Variants in CARNMT1 observed in about 807,000 individuals in gnomAD.
CARNMT1 encodes carnosine N-methyltransferase 1.
CARNMT1 carries 28 observed loss-of-function variants against 49.6 expected under a neutral mutation model. That is an observed-to-expected ratio of 0.56 (90% confidence interval 0.42 to 0.77). The LOEUF (loss-of-function observed/expected upper bound fraction) is 0.77, where lower values mean the gene tolerates loss of function less well. Among genes scored for constraint, CARNMT1 ranks in the 30% least tolerant of loss-of-function variants. The pLI is 0.00. For synonymous variants in CARNMT1, 178 were observed against 175.0 expected (o/e 1.02, Z -0.13); for missense variants, 421 against 512.6 (o/e 0.82, Z 1.73).
At chr9:75,012,274 C>A (rs1564102562) in intron 3 of CARNMT1, among the ~76,000 whole-genome samples, 4 of 148,492 alleles carry the variant, frequency 2.7e-5, no homozygotes, top group Non-Finnish European at 5.9e-5. Context: ...TGAGGGTCTT[C>A]AAGTTTTTGG....
At chr9:75,021,914 C>T (rs1262064423) in intron 1 of CARNMT1, among the ~76,000 whole-genome samples, 5 of 151,268 alleles carry the variant, frequency 3.3e-5, no homozygotes, top group East Asian at 1.9e-4. Flanking sequence ...CTACAGGCTG[C>T]GTAACAGAGC....
intron 1 of CARNMT1, among the ~76,000 whole-genome samples, chr9:75,027,729 A>T (rs1440072908): frequency 6.6e-6 from 1 of 152,206 alleles, no homozygotes; most frequent in Non-Finnish European, 1.5e-5. Context: ...TCGGCCTCAA[A>T]GCCAAACCTT....
At chr9:75,028,397 T>TGGGCTCCGCCAGGTCTTCA (rs1241533569), upstream of CARNMT1, 34 of 1,292,936 alleles carry the variant, frequency 2.6e-5, no homozygotes, top group Admixed American at 4.3e-5. Flanking sequence ...CCATCCGCGC[T>TGGGCTCCGCCAGGTCTTCA]GGGCTCCGCC....
intron 6 of CARNMT1, among the ~76,000 whole-genome samples, chr9:74,986,526 G>A (rs536439193): frequency 2.0e-5 from 3 of 152,180 alleles, no homozygotes; most frequent in Non-Finnish European, 4.4e-5. Context: ...TAAGAATGCA[G>A]AGCCTCACAG....
Position 74,989,639 on chromosome 9 carries a change from C to G in CARNMT1, c.1025-4629G>C, listed in dbSNP as rs145375200. Among the ~76,000 whole-genome samples the G allele has an allele frequency of 2.5e-3, 382 of 152,192 alleles. 1 individual carries two copies. Among genetic ancestry groups the G allele is most frequent in the Non-Finnish European group, 4.4e-3 (297 of 68,024 alleles). On this transcript the variant is annotated intron_variant, in intron 6 of 7. Transcript: ENST00000376834. The stretch of plus-strand genomic sequence containing the variant: ...GACTGGATCATAGGGGTGGCTCCCC[C>G]CATGCTGTTCTCAGGATACTGAGTT...
At chr9:75,024,180 G>C (rs919980340) in intron 1 of CARNMT1, among the ~76,000 whole-genome samples, 1 of 152,058 alleles carries the variant, frequency 6.6e-6, no homozygotes, top group African/African-American at 2.4e-5. Context: ...AATCCAAATA[G>C]AAAAAACATA....
At chr9:74,986,886 T>G (rs1832859252) in intron 6 of CARNMT1, among the ~76,000 whole-genome samples, 1 of 152,224 alleles carries the variant, frequency 6.6e-6, no homozygotes, top group Non-Finnish European at 1.5e-5. Flanking sequence ...GTTATGTAAG[T>G]CAAGGAACAC....
intron 1 of CARNMT1, among the ~76,000 whole-genome samples, chr9:75,019,802 C>T (rs1390225153): frequency 2.0e-5 from 3 of 152,168 alleles, no homozygotes; most frequent in Admixed American, 1.3e-4. Flanking sequence ...TGTAACCTGA[C>T]CACCTGGGGT....
chr9:74,994,230 G>C (rs977629697), intron 6 of CARNMT1, among the ~76,000 whole-genome samples: 1 of 152,148 alleles, frequency 6.6e-6, no homozygotes, highest in Non-Finnish European at 1.5e-5. Flanking sequence ...ACACCAACCT[G>C]GTGAGCACCT....
At position 74,998,508 on chromosome 9, in the gene CARNMT1, T is replaced by G. The variant is rs180866788; in HGVS notation, c.910+90A>C. The G allele has an allele frequency of 3.8e-6, 4 of 1,064,714 alleles. No individual in the cohort carries two copies. The East Asian group carries it at 8.0e-5, about 21-fold the overall frequency. 66.0% of individuals were successfully genotyped at this position (1,064,714 alleles called of 1,614,324 possible). ...TATGCCTTATGTTCTACCATCAAAA[T>G]GAATGATCTAAACCTTGGCTTAGGA... is the stretch of plus-strand genomic sequence containing the variant. On this transcript the variant is annotated intron_variant, in intron 5 of 7. Coordinates refer to ENST00000376834, the MANE Select transcript of CARNMT1 (RefSeq NM_152420.3).
At chr9:75,017,555 A>G in intron 1 of CARNMT1, 107 bp from the exon 2 acceptor site, 1 of 880,724 alleles carries the variant, frequency 1.1e-6, no homozygotes, top group South Asian at 1.7e-5. Flanking sequence ...TATGCTGGAT[A>G]CTGTCCTATC....
chr9:75,005,454 A>G (rs1833474575), intron 3 of CARNMT1, among the ~76,000 whole-genome samples: 2 of 151,446 alleles, frequency 1.3e-5, no homozygotes, highest in Admixed American at 1.3e-4. Context: ...AATTTTACAC[A>G]TATTTCATTA....
chr9:74,991,155 T>G (rs1218838113), intron 6 of CARNMT1: 1 of 152,074 alleles, frequency 6.6e-6, no homozygotes, highest in Non-Finnish European at 1.5e-5. Flanking sequence ...TTTTCTTTTT[T>G]TTTTTCCAGA....
rs1161402277 is a variant in CARNMT1, at chr9:74,998,671, G to A, written c.837C>T (p.Asp279=). The A allele has an allele frequency of 4.4e-6, 7 of 1,608,792 alleles. No homozygotes were observed. The highest frequency in any genetic ancestry group is 5.9e-6 in the Non-Finnish European group (7 of 1,177,226). ...TAGAACCAGGAGGAAGACTGTGGGG[G>A]TCAACATCAGGGAAAAAGATGGGTC... ...QIRPIFFPDV[D]PHSLPPGSNF... The change falls in exon 5 of 8, where the codon GAC becomes GAT. Residue 279 remains aspartate, a synonymous_variant. Coordinates refer to ENST00000376834, the MANE Select transcript of CARNMT1 (RefSeq NM_152420.3).
intron 6 of CARNMT1, among the ~76,000 whole-genome samples, chr9:74,985,354 C>T (rs1382017052): frequency 6.6e-6 from 1 of 152,146 alleles, no homozygotes; most frequent in Non-Finnish European, 1.5e-5. Flanking sequence ...TAAGCAAATG[C>T]AAAACTGCAG....
chr9:75,025,481 T>C (rs1030181540), intron 1 of CARNMT1, among the ~76,000 whole-genome samples: 4 of 152,232 alleles, frequency 2.6e-5, no homozygotes, highest in East Asian at 1.9e-4. Flanking sequence ...AATAGCTCCA[T>C]GTAAGATCTG....
chr9:75,012,030 A>T (rs72732927), intron 3 of CARNMT1, among the ~76,000 whole-genome samples: 7,368 of 152,234 alleles, frequency 0.048, 231 homozygotes, highest in Middle Eastern at 0.092. Context: ...ACCCATAGCA[A>T]CTGAAATCAA....
intron 3 of CARNMT1, chr9:75,016,040 ATTAT>A (rs1384313647): frequency 5.9e-5 from 23 of 388,248 alleles, no homozygotes; most frequent in Non-Finnish European, 8.7e-5. Flanking sequence ...ACCTAACCTT[ATTAT>A]TTAATTTCTA....
At chr9:74,997,450 C>G (rs529419531) in intron 5 of CARNMT1, among the ~76,000 whole-genome samples, 1 of 152,286 alleles carries the variant, frequency 6.6e-6, no homozygotes, top group African/African-American at 2.4e-5. Context: ...GAGTACAATT[C>G]CAAGTCCTTG....
Sources: allele counts gnomAD v4.1 joint callset (sites outside exome capture counted in the v4.1 genomes callset), GRCh38; gene constraint gnomAD v4.1.1; transcripts MANE v1.5; gene names NCBI Gene and HGNC (gene_info 2026-07-23, HGNC 2026-07-21).